Variants in DPYD observed in about 807,000 individuals in gnomAD.
The protein encoded by DPYD is dihydropyrimidine dehydrogenase [NADP(+)].
Under a neutral mutation model 116.2 loss-of-function variants are expected in DPYD, and 109 were observed. The observed-to-expected ratio is 0.94, with a 90% confidence interval of 0.80 to 1.10. The LOEUF (loss-of-function observed/expected upper bound fraction) is 1.10, where lower values mean the gene tolerates loss of function less well. Among genes scored for constraint, DPYD ranks in the 50% least tolerant of loss-of-function variants. The pLI is 0.00. For synonymous variants in DPYD, 440 were observed against 432.0 expected (o/e 1.02, Z -0.23); for missense variants, 1,302 against 1,254.5 (o/e 1.04, Z -0.57).
At chr1:97,410,596 C>T (rs1452911454) in intron 14 of DPYD, among the ~76,000 whole-genome samples, 4 of 152,026 alleles carry the variant, frequency 2.6e-5, no homozygotes, top group African/African-American at 9.7e-5. Context: ...AATATGCCAT[C>T]GGAAAGGGTA....
At chr1:97,445,990 G>T (rs1377276198) in intron 14 of DPYD, among the ~76,000 whole-genome samples, 1 of 152,110 alleles carries the variant, frequency 6.6e-6, no homozygotes. Context: ...GCCTCCCAAA[G>T]TGCTGGGATT....
chr1:97,187,219 T>C (rs560554643), intron 20 of DPYD, among the ~76,000 whole-genome samples: 9 of 152,294 alleles, frequency 5.9e-5, no homozygotes, highest in East Asian at 1.9e-4. Context: ...CCCTTTTTTT[T>C]CCCACATCCT....
intron 21 of DPYD, among the ~76,000 whole-genome samples, chr1:97,094,661 G>T (rs1460950953): frequency 6.6e-6 from 1 of 152,110 alleles, no homozygotes; most frequent in Non-Finnish European, 1.5e-5. Context: ...TCCTTGGTCA[G>T]ACGATGCAGG....
rs1662945058 is a variant in DPYD at position 97,249,582 on chromosome 1, AAAGC to A, written c.2300-14592_2300-14589del. Among the ~76,000 whole-genome samples the A allele has an allele frequency of 2.0e-5, 3 of 152,190 alleles. No homozygotes were observed. In the South Asian group the frequency reaches 6.2e-4, roughly 32 times the overall value. Reference sequence around the variant, plus strand: ...CAAAAATTTCATGGAAAGGATGTTAAAAGCAACGACTAATTTAAAAAAAAAATTG... The same window carrying A: ...CAAAAATTTCATGGAAAGGATGTTAAAACGACTAATTTAAAAAAAAAATTG... On this transcript the variant is annotated intron_variant, in intron 18 of 22. Coordinates refer to ENST00000370192, the MANE Select transcript of DPYD (RefSeq NM_000110.4).
chr1:97,554,264 A>G (rs1033516605), intron 11 of DPYD, among the ~76,000 whole-genome samples: 2 of 152,142 alleles, frequency 1.3e-5, no homozygotes, highest in African/African-American at 4.8e-5. Flanking sequence ...AGCATATGAC[A>G]AGTATATTTC....
intron 18 of DPYD, among the ~76,000 whole-genome samples, chr1:97,274,244 G>T (rs1368018077): frequency 2.0e-5 from 3 of 152,122 alleles, no homozygotes; most frequent in Non-Finnish European, 2.9e-5. Context: ...TGTCAGAGGT[G>T]GGGCCCAGTG....
At chr1:97,553,535 C>T (rs901699577) in intron 11 of DPYD, among the ~76,000 whole-genome samples, 1 of 152,028 alleles carries the variant, frequency 6.6e-6, no homozygotes, top group Non-Finnish European at 1.5e-5. Context: ...TCTGTTCTGT[C>T]TTTACCCAGC....
At chr1:97,114,874 A>C (rs1207580493) in intron 20 of DPYD, among the ~76,000 whole-genome samples, 2 of 152,194 alleles carry the variant, frequency 1.3e-5, no homozygotes, top group Non-Finnish European at 2.9e-5. Context: ...ATTACTGCTA[A>C]ATTTCTAAGT....
At chr1:97,652,707 T>C (rs1166392654) in intron 8 of DPYD, among the ~76,000 whole-genome samples, 1 of 152,186 alleles carries the variant, frequency 6.6e-6, no homozygotes, top group Non-Finnish European at 1.5e-5. Flanking sequence ...ATGGTGAAGA[T>C]CCTGAGCATG....
chr1:97,777,079 T>G (rs1265965093), intron 3 of DPYD, among the ~76,000 whole-genome samples: 1 of 152,222 alleles, frequency 6.6e-6, no homozygotes, highest in Non-Finnish European at 1.5e-5. Context: ...ATGATGGAAC[T>G]ACTAATAACT....
chr1:97,170,497 A>G lies in DPYD; in HGVS notation c.2622+22572T>C, dbSNP rs117570573. On this transcript the variant is annotated intron_variant, in intron 20 of 22. Coordinates refer to ENST00000370192, the MANE Select transcript of DPYD (RefSeq NM_000110.4). ...AGTTTGCTGGGCATGCAGCCAGGCA[A>G]CCATACACATCTACATAGGCAATGC... 8.3e-4 allele frequency among the ~76,000 whole-genome samples: 126 copies of G among 152,214 alleles called. 2 individuals carry two copies. The East Asian group carries it at 0.019, about 23-fold the overall frequency.
At chr1:97,499,699 CACA>C (rs1679467981) in intron 13 of DPYD, among the ~76,000 whole-genome samples, 1 of 151,866 alleles carries the variant, frequency 6.6e-6, no homozygotes, top group Non-Finnish European at 1.5e-5. Flanking sequence ...ATAAGAAAGT[CACA>C]ACAATTTTTG....
intron 19 of DPYD, among the ~76,000 whole-genome samples, chr1:97,205,796 T>C (rs1215354939): frequency 3.3e-5 from 5 of 152,132 alleles, no homozygotes; most frequent in Non-Finnish European, 7.3e-5. Flanking sequence ...GTAGAAACCC[T>C]ACTGCTGGAG....
intron 2 of DPYD, among the ~76,000 whole-genome samples, chr1:97,877,257 T>C (rs1248437135): frequency 6.6e-6 from 1 of 152,000 alleles, no homozygotes; most frequent in Non-Finnish European, 1.5e-5. Context: ...GTCCCCATGA[T>C]GGTGACCAGT....
intron 2 of DPYD, among the ~76,000 whole-genome samples, chr1:97,829,894 C>T (rs973485321): frequency 6.6e-6 from 1 of 151,920 alleles, no homozygotes; most frequent in Non-Finnish European, 1.5e-5. Context: ...GCCATCCCTC[C>T]CTCAGCCCCC....
At chr1:97,216,288 G>GA (rs2101882376) in intron 19 of DPYD, among the ~76,000 whole-genome samples, 2 of 64,956 alleles carry the variant, frequency 3.1e-5, no homozygotes, top group East Asian at 0.022. Context: ...CCAAGCTTTC[G>GA]AATTTTTTTT....
intron 20 of DPYD, among the ~76,000 whole-genome samples, chr1:97,126,611 A>G (rs1159677525): frequency 6.6e-6 from 1 of 152,132 alleles, no homozygotes; most frequent in African/African-American, 2.4e-5. Context: ...ACTCACTTCT[A>G]TCACATCTGA....
chr1:97,912,711 C>T, intron 1 of DPYD, among the ~76,000 whole-genome samples: 1 of 152,048 alleles, frequency 6.6e-6, no homozygotes, highest in East Asian at 1.9e-4. Flanking sequence ...ACTAAGGTTA[C>T]ACTAAAAGTT....
chr1:97,920,795 G>A, intron 1 of DPYD, 89 bp downstream of exon 1: 1 of 1,512,010 alleles, frequency 6.6e-7, no homozygotes, highest in Non-Finnish European at 9.0e-7. Context: ...TCTCCGGGGT[G>A]CGGGGGCCGC....
Sources: gnomAD v4.1 joint callset for allele counts (sites outside exome capture counted in the v4.1 genomes callset) on GRCh38, gnomAD v4.1.1 for gene constraint, MANE v1.5 for transcripts, NCBI Gene and HGNC (gene_info 2026-07-23, HGNC 2026-07-21) for gene names.